The following XYLT1 variants were observed in gnomAD, a reference collection of about 807,000 sequenced individuals.
The protein encoded by XYLT1 is beta-D-xylosyltransferase 1.
A neutral mutation model predicts 91.3 loss-of-function variants in XYLT1; 36 were observed. The observed-to-expected ratio is 0.39, with a 90% CI of 0.30 to 0.52. The LOEUF is 0.52. Among genes scored for constraint, XYLT1 ranks in the 20% least tolerant of loss-of-function variants. The pLI is 0.68. For missense variants in XYLT1, 1,242 were observed against 1,284.5 expected, an observed-to-expected ratio of 0.97 and a Z score of 0.51; for synonymous variants, 588 against 532.0, an observed-to-expected ratio of 1.11 and a Z score of -1.45.
At chr16:17,149,258 G>C (rs1269460881) in intron 6 of XYLT1, among the ~76,000 whole-genome samples, 1 of 152,140 alleles carries the variant, frequency 6.6e-6, no homozygotes, top group East Asian at 1.9e-4. Flanking sequence ...ATCAAGTATG[G>C]AATTATTCCA....
At chr16:17,223,375 T>C (rs975414392) in intron 3 of XYLT1, among the ~76,000 whole-genome samples, 3 of 151,984 alleles carry the variant, frequency 2.0e-5, no homozygotes, top group Admixed American at 1.3e-4. Flanking sequence ...GCAATCAGAG[T>C]GGTTGAGGCT....
intron 1 of XYLT1, chr16:17,445,702 A>G (rs1396289930): frequency 2.0e-5 from 3 of 152,160 alleles, no homozygotes; most frequent in Admixed American, 6.5e-5. Context: ...TGGAGGGTCT[A>G]TTGTCTGAAT....
intron 3 of XYLT1, among the ~76,000 whole-genome samples, chr16:17,229,685 TTCCAGAAGAC>T (rs760791855): frequency 3.3e-5 from 5 of 152,200 alleles, no homozygotes; most frequent in Non-Finnish European, 7.3e-5. Flanking sequence ...TCTTCTGGTT[TTCCAGAAGAC>T]TCCAGAAATA....
intron 10 of XYLT1, among the ~76,000 whole-genome samples, chr16:17,126,594 G>A (rs1296657880): frequency 6.6e-6 from 1 of 152,078 alleles, no homozygotes; most frequent in Non-Finnish European, 1.5e-5. Flanking sequence ...TAAGAGGGTG[G>A]GACTCCCCCT....
rs1028620690 is a variant in XYLT1, at chr16:17,104,087, T to A, written c.*4608A>T. On this transcript the variant is annotated 3_prime_UTR_variant, in exon 12 of 12. Coordinates refer to ENST00000261381, the MANE Select transcript of XYLT1 (RefSeq NM_022166.4). ...TGAGGTAGCGCCTGTGGTAGACCCA[T>A]GGGCAAAGTAAGGTAACTGAGGCAG... 11 of 152,736 alleles carry A rather than the reference T, an allele frequency of 7.2e-5. No individual in the cohort carries two copies. Among genetic ancestry groups the A allele is most frequent in the African/African-American group, 1.9e-4 (8 of 41,414 alleles). The allele number at this position is 152,736 out of a possible 1,614,324, so 9.5% of individuals were successfully genotyped here.
At chr16:17,459,620 C>T (rs1200567769) in intron 1 of XYLT1, among the ~76,000 whole-genome samples, 1 of 152,192 alleles carries the variant, frequency 6.6e-6, no homozygotes, top group East Asian at 1.9e-4. Context: ...AAAACAAATG[C>T]TTATCCACAG....
At chr16:17,173,538 A>G (rs1172309259) in intron 5 of XYLT1, among the ~76,000 whole-genome samples, 1 of 152,268 alleles carries the variant, frequency 6.6e-6, no homozygotes, top group Non-Finnish European at 1.5e-5. Flanking sequence ...CAGTTGAGCA[A>G]GGCTTGGCTA....
At position 17,117,630 on chromosome 16, in the gene XYLT1, C is replaced by T; in HGVS notation, c.2557+16G>A. On this transcript the variant is annotated intron_variant, in intron 11 of 11. Transcript: ENST00000261381. The stretch of plus-strand genomic sequence containing the variant: ...GGAAGGAGTATTTCTCCCACATAGA[C>T]ACTGGGAGTACTTACCAGGTTTGAT... The T allele has an allele frequency of 5.6e-6, 9 of 1,602,466 alleles. No homozygotes were observed. Among genetic ancestry groups the T allele is most frequent in the Non-Finnish European group, 7.7e-6 (9 of 1,171,942 alleles).
chr16:17,366,620 T>C (rs2035457875), intron 1 of XYLT1, among the ~76,000 whole-genome samples: 1 of 152,104 alleles, frequency 6.6e-6, no homozygotes. Flanking sequence ...GCTTGAACCC[T>C]GGCGGCAGAG....
At chr16:17,340,508 C>G (rs2035051095) in intron 2 of XYLT1, among the ~76,000 whole-genome samples, 1 of 152,206 alleles carries the variant, frequency 6.6e-6, no homozygotes, top group Non-Finnish European at 1.5e-5. Context: ...ATGGTTAAAT[C>G]TTAAAGAACA....
intron 2 of XYLT1, among the ~76,000 whole-genome samples, chr16:17,317,628 T>TGA (rs2034655583): frequency 2.2e-5 from 1 of 44,804 alleles, no homozygotes; most frequent in African/African-American, 1.4e-4. Context: ...AGACGCTGTC[T>TGA]CAAAAAAAAA....
intron 6 of XYLT1, among the ~76,000 whole-genome samples, chr16:17,154,878 CG>C (rs1442041570): frequency 6.6e-6 from 1 of 152,164 alleles, no homozygotes; most frequent in Non-Finnish European, 1.5e-5. Context: ...CGAGGCACCC[CG>C]TGGCCTATTC....
At chr16:17,332,596 AC>A (rs2034917242) in intron 2 of XYLT1, among the ~76,000 whole-genome samples, 1 of 151,296 alleles carries the variant, frequency 6.6e-6, no homozygotes, top group Non-Finnish European at 1.5e-5. Flanking sequence ...ACACACACAC[AC>A]ACACACACAC....
At chr16:17,388,694 G>A (rs1596519348) in intron 1 of XYLT1, among the ~76,000 whole-genome samples, 2 of 152,220 alleles carry the variant, frequency 1.3e-5, no homozygotes, top group Non-Finnish European at 2.9e-5. Flanking sequence ...GGATCCTGAA[G>A]CATCTCAAAG....
chr16:17,137,327 A>T (rs955970876), intron 8 of XYLT1, among the ~76,000 whole-genome samples: 1 of 151,750 alleles, frequency 6.6e-6, no homozygotes, highest in African/African-American at 2.4e-5. Context: ...GAGATCAAAC[A>T]CAAACAAACA....
chr16:17,138,732 A>ACCAAG (rs1040814968), intron 7 of XYLT1: 3 of 553,812 alleles, frequency 5.4e-6, no homozygotes, highest in African/African-American at 3.7e-5. Flanking sequence ...TTTATAAATT[A>ACCAAG]CCAAGCCTCA....
chr16:17,243,841 A>G (rs1159083693), intron 3 of XYLT1, among the ~76,000 whole-genome samples: 5 of 152,124 alleles, frequency 3.3e-5, no homozygotes, highest in Non-Finnish European at 7.4e-5. Flanking sequence ...CAGGAGTGAG[A>G]CTGTGGATGC....
At chr16:17,169,402 C>T (rs1443929663) in intron 5 of XYLT1, among the ~76,000 whole-genome samples, 4 of 152,072 alleles carry the variant, frequency 2.6e-5, no homozygotes, top group East Asian at 1.9e-4. Flanking sequence ...TTGAATGGAC[C>T]GGCAAACCAT....
chr16:17,453,475 C>T (rs2036694970), intron 1 of XYLT1, among the ~76,000 whole-genome samples: 2 of 152,168 alleles, frequency 1.3e-5, no homozygotes, highest in South Asian at 4.1e-4. Context: ...GTGCTAGTGT[C>T]CAAAAAGTGG....
Sources: allele counts gnomAD v4.1 joint callset (sites outside exome capture counted in the v4.1 genomes callset), GRCh38; gene constraint gnomAD v4.1.1; transcripts MANE v1.5; gene names NCBI Gene and HGNC (gene_info 2026-07-23, HGNC 2026-07-21).